The following ATP2A3 variants were observed in gnomAD, a reference collection of about 807,000 sequenced individuals.
The protein encoded by ATP2A3 is sarcoplasmic/endoplasmic reticulum calcium ATPase 3.
In ATP2A3, 61 loss-of-function variants were observed where a neutral mutation model predicts 106.8. That is an observed-to-expected ratio of 0.57 (90% confidence interval 0.46 to 0.71). ATP2A3 has a LOEUF of 0.71. ATP2A3 is among the 30% of genes least tolerant of loss of function. The pLI is 0.00. For missense variants in ATP2A3, 1,201 were observed against 1,423.5 expected, an observed-to-expected ratio of 0.84 and a Z score of 2.52; for synonymous variants, 611 against 609.3, an observed-to-expected ratio of 1.00 and a Z score of -0.04.
At chr17:3,937,335 A>T (rs2053506319) in intron 15 of ATP2A3, 81 bp downstream of exon 15, 3 of 1,475,510 alleles carry the variant, frequency 2.0e-6, no homozygotes, top group Admixed American at 1.9e-5. Context: ...CCTGCAGCGC[A>T]TCCGAGGAAC....
At position 3,941,438 on chromosome 17, in the gene ATP2A3, C is replaced by T. The variant is rs751569467; in HGVS notation, c.1762G>A (p.Glu588Lys). The T allele has an allele frequency of 7.4e-6, 12 of 1,613,990 alleles. No homozygotes were observed. The highest frequency in any genetic ancestry group is 1.7e-5 in the Admixed American group (1 of 60,002). Residue 588 changes from glutamate to lysine, a missense_variant and splice_region_variant, in exon 13 of 21, where the codon GAG becomes AAG. Glu to Lys is a moderately conservative substitution (Grantham distance 56, BLOSUM62 1). Coordinates refer to ENST00000397041, the MANE Select transcript of ATP2A3 (RefSeq NM_005173.4). ...GGAGAATCGGCTCCTGCACCCACCT[C>T]GTACTGCACAAACTTGCTGCAGTCG... ...LDDCSKFVQY[E>K]TDLTFVGCVG...
intron 4 of ATP2A3, 29 bp downstream of exon 4, chr17:3,951,552 C>CCCCCCGTCCCCCCCCCCCT: frequency 7.3e-7 from 1 of 1,365,898 alleles, no homozygotes; most frequent in Non-Finnish European, 1.0e-6. Flanking sequence ...GACCGCCCCC[C>CCCCCCGTCCCCCCCCCCCT]GCCCGGTCCC....
chr17:3,927,401 T>G (rs2052765831), intron 20 of ATP2A3: 1 of 985,366 alleles, frequency 1.0e-6, no homozygotes, highest in Non-Finnish European at 1.2e-6. Context: ...ACAAGCCACC[T>G]GAGCTGTCAT....
intron 5 of ATP2A3, 73 bp downstream of exon 5, chr17:3,951,178 A>C (rs1397749460): frequency 8.9e-7 from 1 of 1,125,420 alleles, no homozygotes; most frequent in Non-Finnish European, 1.1e-6. Context: ...ATCTCAAAAA[A>C]TAAATAAATA....
Position 3,925,127 on chromosome 17 carries a change from C to T in ATP2A3, c.*295G>A. 1 of 577,698 alleles carries T rather than the reference C, an allele frequency of 1.7e-6. No individual in the cohort carries two copies. Among genetic ancestry groups the T allele is most frequent in the Non-Finnish European group, 3.1e-6 (1 of 323,782 alleles). 35.8% of individuals were successfully genotyped at this position (577,698 alleles called of 1,614,324 possible). A position where few individuals can be genotyped will look rare whatever the true frequency, so the allele number is the denominator to read the frequency against. Reference sequence around the variant, plus strand: ...TCTCTGGGTATGCTGCCAGCTCCGGCTTCTTGGCTGCCCCCTCCCAGCCTG... The same window carrying T: ...TCTCTGGGTATGCTGCCAGCTCCGGTTTCTTGGCTGCCCCCTCCCAGCCTG... On this transcript the variant is annotated 3_prime_UTR_variant, in exon 21 of 21. Transcript: ENST00000397041. This position sits in a 1 kb window ranked among gnomAD's most constrained non-coding sequence, Gnocchi z 4.2.
rs764586191 is a variant in ATP2A3, at chr17:3,942,704, A to G, written c.1447T>C (p.Phe483Leu). The change falls in exon 12 of 21, where the codon TTC becomes CTC. Residue 483 changes from phenylalanine to leucine, a missense_variant. Around this residue, in one of 2 missense-constraint regions of ATP2A3, gnomAD observed 935 missense variants for 1,176.7 expected, o/e 0.79. Transcript: ENST00000397041. ...CGGTCTCGGGAGAACTCCAGGGTGA[A>G]CTCCTTCCGCATCAGCTGCTTGATG... is the stretch of plus-strand genomic sequence containing the variant. ...TVIKQLMRKE[F>L]TLEFSRDRKS... 26 of 1,612,830 alleles carry G rather than the reference A, an allele frequency of 1.6e-5. No homozygotes were observed. The highest frequency in any genetic ancestry group is 1.3e-4 in the South Asian group (12 of 91,050).
intron 4 of ATP2A3, 35 bp downstream of exon 4, chr17:3,951,546 G>GCCCCCCCCCCCCGGGCCCC: frequency 8.3e-6 from 11 of 1,319,558 alleles, no homozygotes; most frequent in Non-Finnish European, 1.2e-5. Context: ...CTGGGAGACC[G>GCCCCCCCCCCCCGGGCCCC]CCCCCCGCCC....
At chr17:3,963,566 T>TCCG (rs1383535807) in intron 1 of ATP2A3, among the ~76,000 whole-genome samples, 1 of 152,154 alleles carries the variant, frequency 6.6e-6, no homozygotes, top group Non-Finnish European at 1.5e-5. Context: ...AGGCCTTGAC[T>TCCG]CCGCCACCCC....
intron 3 of ATP2A3, among the ~76,000 whole-genome samples, chr17:3,952,781 A>G (rs1308885939): frequency 6.6e-6 from 1 of 152,110 alleles, no homozygotes; most frequent in East Asian, 1.9e-4. Context: ...TTGTAGAGAC[A>G]GGGTCTCCCT....
intron 14 of ATP2A3, among the ~76,000 whole-genome samples, chr17:3,938,127 G>T (rs575973085): frequency 3.9e-5 from 6 of 152,294 alleles, no homozygotes; most frequent in African/African-American, 9.6e-5. Flanking sequence ...GTCTGGAGTT[G>T]CAATCAAGGT....
chr17:3,924,937 C>A lies in ATP2A3; in HGVS notation c.*485G>T, dbSNP rs2052623217. ...CCCCTTCTGATCCCCCAGGGCTGAC[C>A]CAGTCCCAGACCAGGCACGAAGAGA... On this transcript the variant is annotated 3_prime_UTR_variant, in exon 21 of 21. Transcript: ENST00000397041. The surrounding 1 kb of genome is among the most constrained non-coding windows in gnomAD (Gnocchi z 6.4). 2.3e-6 allele frequency: 1 copy of A among 433,588 alleles called. No homozygotes were observed. Among genetic ancestry groups the A allele is most frequent in the Admixed American group, 2.6e-5 (1 of 38,148 alleles). 26.9% of individuals were successfully genotyped at this position (433,588 alleles called of 1,614,324 possible).
Position 3,941,366 on chromosome 17 carries a change from C to G in ATP2A3, c.1765-60G>C. ...GCCCATCCCTGACCTACCACCTGCT[C>G]AGCTGCTGCAGGGAGACTTGGCTCC... On this transcript the variant is annotated intron_variant, in intron 13 of 20. Transcript: ENST00000397041. 4.3e-6 allele frequency: 7 copies of G among 1,613,696 alleles called. No homozygotes were observed. The South Asian group carries it at 5.5e-5, about 13-fold the overall frequency.
In ATP2A3 at chr17:3,937,368, G is replaced by C. The variant is rs558824187; in HGVS notation, c.2321+48C>G. The C allele has an allele frequency of 1.1e-5, 17 of 1,580,364 alleles. No individual in the cohort carries two copies. The Admixed American group carries it at 1.6e-4, about 15-fold the overall frequency. ...AACAGGCGTTTTCCCCATCTCAGGGGCACAGAGCGGATTGAGAGGGCTGAG... is the reference window on the plus strand; with the variant it reads ...AACAGGCGTTTTCCCCATCTCAGGGCCACAGAGCGGATTGAGAGGGCTGAG... On this transcript the variant is annotated intron_variant, in intron 15 of 20. Transcript: ENST00000397041.
At position 3,929,582 on chromosome 17, in the gene ATP2A3, G is replaced by T. The variant is rs952165207; in HGVS notation, c.2745-137C>A. The T allele has an allele frequency of 2.7e-6, 2 of 727,680 alleles. No individual in the cohort carries two copies. The highest frequency in any genetic ancestry group is 1.8e-5 in the African/African-American group (1 of 56,508). 45.1% of individuals were successfully genotyped at this position (727,680 alleles called of 1,614,324 possible). A position where few individuals can be genotyped will look rare whatever the true frequency, so the allele number is the denominator to read the frequency against. On this transcript the variant is annotated intron_variant, in intron 18 of 20. Coordinates refer to ENST00000397041, the MANE Select transcript of ATP2A3 (RefSeq NM_005173.4). The surrounding 1 kb of genome is among the most constrained non-coding windows in gnomAD (Gnocchi z 4.3). ...CGCTCGGCCTGCCAGGGCCTGTCCC[G>T]GGCTGGGACCCCTTTCTCTGCCCCT...
At chr17:3,942,507 C>A (rs1038682159) in intron 12 of ATP2A3, 99 bp downstream of exon 12, 2 of 1,518,622 alleles carry the variant, frequency 1.3e-6, no homozygotes, top group East Asian at 2.3e-5. Context: ...GTAACCCAAC[C>A]CTGCCATTCA....
chr17:3,940,042 TGTTTTTTG>T lies in ATP2A3; in HGVS notation c.2100+921_2100+928del, dbSNP rs1278410924. Among the ~76,000 whole-genome samples, 551 of 128,322 alleles carry T rather than the reference TGTTTTTTG, an allele frequency of 4.3e-3. 54 individuals are homozygous for T. The highest frequency in any genetic ancestry group is 0.032 in the East Asian group (154 of 4,772). 84.2% of individuals were successfully genotyped at this position (128,322 alleles called of 152,430 possible). A position where few individuals can be genotyped will look rare whatever the true frequency, so the allele number is the denominator to read the frequency against. On this transcript the variant is annotated intron_variant, in intron 14 of 20. Transcript: ENST00000397041. ...GTAATGTGTCATATCTTTTTTTTTT[TGTTTTTTG>T]TTTTTTTTTTTTTTGGAGAGATGGG...
At chr17:3,942,786 G>A in intron 11 of ATP2A3, 55 bp from the exon 12 acceptor site, 1 of 1,603,144 alleles carries the variant, frequency 6.2e-7, no homozygotes, top group Non-Finnish European at 8.5e-7. Context: ...ACTCTCGCCT[G>A]CCTTCCCACC....
chr17:3,950,151 GA>G (rs1176310842), intron 7 of ATP2A3, among the ~76,000 whole-genome samples: 1 of 141,386 alleles, frequency 7.1e-6, no homozygotes, highest in African/African-American at 2.7e-5. Flanking sequence ...AACAGGGCCA[GA>G]AAAAAAAATA....
intron 20 of ATP2A3, chr17:3,927,061 C>A: frequency 2.0e-6 from 2 of 985,482 alleles, no homozygotes; most frequent in Non-Finnish European, 2.4e-6. Flanking sequence ...GCTCACCCAG[C>A]CCTGTTCCAC....
Sources: gnomAD v4.1 joint callset for allele counts (sites outside exome capture counted in the v4.1 genomes callset) on GRCh38, gnomAD v4.1.1 for gene constraint, gnomAD v4.1.1 regional missense constraint, Gnocchi (gnomAD v3.1) non-coding constraint, MANE v1.5 for transcripts, NCBI Gene and HGNC (gene_info 2026-07-23, HGNC 2026-07-21) for gene names.